Variants in BCL7A observed in about 807,000 individuals in gnomAD.
BCL7A encodes B-cell CLL/lymphoma 7 protein family member A.
Under a neutral mutation model 28.4 loss-of-function variants are expected in BCL7A, and 11 were observed. The ratio of observed to expected loss-of-function variants is 0.39; its 90% confidence interval spans 0.24 to 0.64. The LOEUF is 0.64. Ranked by LOEUF, BCL7A falls within the 30% of genes least tolerant of loss-of-function variation. BCL7A has a pLI of 0.50. For synonymous variants in BCL7A, 123 were observed against 103.3 expected, an observed-to-expected ratio of 1.19 and a Z score of -1.15; for missense variants, 222 against 274.8, an observed-to-expected ratio of 0.81 and a Z score of 1.36.
chr12:122,044,230 C>T lies in BCL7A; in HGVS notation c.439+177C>T, dbSNP rs1471536635. ...GGGGAATTAAAAAAATCAGACAGGCCAGGTGCAGTGGCTCATGCCTGTAAT... is the reference window on the plus strand; with the variant it reads ...GGGGAATTAAAAAAATCAGACAGGCTAGGTGCAGTGGCTCATGCCTGTAAT... On this transcript the variant is annotated intron_variant, in intron 4 of 5. Coordinates refer to ENST00000261822, the MANE Select transcript of BCL7A (RefSeq NM_001024808.3). 9.7e-6 allele frequency: 7 copies of T among 718,358 alleles called. No individual in the cohort carries two copies. In the African/African-American group the frequency reaches 1.1e-4, roughly 11 times the overall value. 44.5% of individuals were successfully genotyped at this position (718,358 alleles called of 1,614,324 possible). A position where few individuals can be genotyped will look rare whatever the true frequency, so the allele number is the denominator to read the frequency against.
chr12:122,024,168 C>T (rs924634284), intron 1 of BCL7A, among the ~76,000 whole-genome samples: 5 of 152,226 alleles, frequency 3.3e-5, no homozygotes, highest in African/African-American at 1.2e-4. Context: ...TACCTCTGCG[C>T]CTCCCTGGGT....
intron 3 of BCL7A, among the ~76,000 whole-genome samples, chr12:122,038,653 T>C (rs1883906554): frequency 6.6e-6 from 1 of 151,968 alleles, no homozygotes; most frequent in Non-Finnish European, 1.5e-5. Context: ...AGGACTGAGG[T>C]TGGATTACAG....
At chr12:122,053,243 G>A (rs1884236114) in intron 4 of BCL7A, among the ~76,000 whole-genome samples, 1 of 152,142 alleles carries the variant, frequency 6.6e-6, no homozygotes, top group Non-Finnish European at 1.5e-5. Context: ...TGATCCGCCT[G>A]CCTTGGCCTC....
At chr12:122,024,550 T>C (rs1198528071) in intron 1 of BCL7A, among the ~76,000 whole-genome samples, 1 of 151,280 alleles carries the variant, frequency 6.6e-6, no homozygotes, top group Non-Finnish European at 1.5e-5. Flanking sequence ...TATCTCACCT[T>C]CCCCGCGCCT....
intron 4 of BCL7A, among the ~76,000 whole-genome samples, chr12:122,051,310 C>G (rs190365900): frequency 1.2e-4 from 18 of 152,266 alleles, no homozygotes; most frequent in Admixed American, 1.0e-3. Flanking sequence ...GGCACAAGGA[C>G]AGACCCGTGT....
At chr12:122,023,547 T>C (rs1883527514) in intron 1 of BCL7A, among the ~76,000 whole-genome samples, 1 of 152,152 alleles carries the variant, frequency 6.6e-6, no homozygotes, top group African/African-American at 2.4e-5. Context: ...CTCCCCGGCC[T>C]CCTATGGAAA....
intron 4 of BCL7A, among the ~76,000 whole-genome samples, chr12:122,049,082 A>G (rs540014767): frequency 6.8e-6 from 1 of 146,792 alleles, no homozygotes; most frequent in African/African-American, 2.5e-5. Flanking sequence ...AAAAAAATAC[A>G]TAAAACTATA....
chr12:122,044,695 A>G (rs1884035863), intron 4 of BCL7A, among the ~76,000 whole-genome samples: 1 of 151,932 alleles, frequency 6.6e-6, no homozygotes, highest in African/African-American at 2.4e-5. Flanking sequence ...GCATGGTGGC[A>G]TGTGCCTGTG....
In BCL7A at chr12:122,061,725, G is replaced by T. The variant is rs772042823; in HGVS notation, c.*2562G>T. On this transcript the variant is annotated 3_prime_UTR_variant, in exon 6 of 6. Transcript: ENST00000261822. ...ATTCCCCCCAAAACGTGAAGTCGGG[G>T]AAGCTGCGGCTACACATTCCACAAA... The T allele has an allele frequency of 3.0e-5, 7 of 231,364 alleles. No individual in the cohort carries two copies. Among genetic ancestry groups the T allele is most frequent in the African/African-American group, 4.4e-5 (2 of 45,160 alleles). 14.3% of individuals were successfully genotyped at this position (231,364 alleles called of 1,614,324 possible).
At chr12:122,049,049 TATATAC>T (rs56826467) in intron 4 of BCL7A, among the ~76,000 whole-genome samples, 5,135 of 120,520 alleles carry the variant, frequency 0.043, 154 homozygotes, top group African/African-American at 0.093. Flanking sequence ...TATATATATA[TATATAC>T]ATATACACAC....
intron 4 of BCL7A, among the ~76,000 whole-genome samples, chr12:122,047,353 C>G (rs1452429267): frequency 6.6e-6 from 1 of 151,500 alleles, no homozygotes; most frequent in African/African-American, 2.4e-5. Flanking sequence ...GAAACCCCGT[C>G]TCTACTAAAA....
intron 1 of BCL7A, among the ~76,000 whole-genome samples, chr12:122,027,278 T>C (rs7969138): frequency 0.062 from 9,416 of 152,144 alleles, 528 homozygotes; most frequent in East Asian, 0.23. Flanking sequence ...GTTTTGTTGT[T>C]TGTTTGTTTG....
intron 3 of BCL7A, among the ~76,000 whole-genome samples, chr12:122,035,716 G>T (rs80184629): frequency 0.09 from 13,654 of 152,184 alleles, 843 homozygotes; most frequent in African/African-American, 0.18. Context: ...TCTCAGCCTC[G>T]TGTGTCCAGG....
At chr12:122,025,493 G>A (rs1273702836) in intron 1 of BCL7A, among the ~76,000 whole-genome samples, 3 of 151,930 alleles carry the variant, frequency 2.0e-5, no homozygotes, top group African/African-American at 4.8e-5. Context: ...CAGGCGTGGT[G>A]GCGGGCGCCT....
At chr12:122,033,565 G>T (rs867877314) in intron 2 of BCL7A, among the ~76,000 whole-genome samples, 1 of 147,628 alleles carries the variant, frequency 6.8e-6, no homozygotes, top group Admixed American at 6.6e-5. Flanking sequence ...GCCCGCCTCG[G>T]CCTCCCAAAG....
In BCL7A at chr12:122,059,012, G is replaced by A. The variant is rs1951898165; in HGVS notation, c.562-80G>A. ...CCGCCCCCGCTCGGTTCCTTCCTTG[G>A]CTGACCTTCGGCCTCACGCCTGGCC... On this transcript the variant is annotated intron_variant, in intron 5 of 5. Transcript: ENST00000261822. The surrounding 1 kb of genome is among the most constrained non-coding windows in gnomAD (Gnocchi z 4.0). The A allele has an allele frequency of 1.5e-6, 2 of 1,295,028 alleles. No homozygotes were observed. Among genetic ancestry groups the A allele is most frequent in the Non-Finnish European group, 2.2e-6 (2 of 895,850 alleles). 80.2% of individuals were successfully genotyped at this position (1,295,028 alleles called of 1,614,324 possible). A position where few individuals can be genotyped will look rare whatever the true frequency, so the allele number is the denominator to read the frequency against.
At position 122,060,367 on chromosome 12, in the gene BCL7A, C is replaced by T. The variant is rs989573040; in HGVS notation, c.*1204C>T. ...GGAGTGGGCCTTGATGGCCGGGCCT[C>T]GAAGGCCACAAACAAGGCGTCGAGG... On this transcript the variant is annotated 3_prime_UTR_variant, in exon 6 of 6. Coordinates refer to ENST00000261822, the MANE Select transcript of BCL7A (RefSeq NM_001024808.3). 3.9e-5 allele frequency: 9 copies of T among 232,844 alleles called. No homozygotes were observed. Among genetic ancestry groups the T allele is most frequent in the Admixed American group, 5.6e-5 (1 of 17,762 alleles). The allele number at this position is 232,844 out of a possible 1,614,324, so 14.4% of individuals were successfully genotyped here.
intron 5 of BCL7A, among the ~76,000 whole-genome samples, chr12:122,056,995 T>C (rs1951882720): frequency 6.6e-6 from 1 of 152,282 alleles, no homozygotes; most frequent in South Asian, 2.1e-4. Flanking sequence ...CCAGGGGCTA[T>C]ACCTAATCCC....
chr12:122,036,322 A>G (rs1883854483), intron 3 of BCL7A, among the ~76,000 whole-genome samples: 1 of 152,136 alleles, frequency 6.6e-6, no homozygotes, highest in Non-Finnish European at 1.5e-5. Context: ...GCTTGAGCCC[A>G]GGAGTTCAAG....
Sources: gnomAD v4.1 joint callset for allele counts (sites outside exome capture counted in the v4.1 genomes callset) on GRCh38, gnomAD v4.1.1 for gene constraint, Gnocchi (gnomAD v3.1) non-coding constraint, MANE v1.5 for transcripts, NCBI Gene and HGNC (gene_info 2026-07-23, HGNC 2026-07-21) for gene names.